FAM193B: variants seen among roughly 807,000 people sequenced by gnomAD.
FAM193B encodes the protein family with sequence similarity 193 member B, also known as protein FAM193B.
A neutral mutation model predicts 70.7 loss-of-function variants in FAM193B; 27 were observed. The ratio of observed to expected loss-of-function variants is 0.38; its 90% CI spans 0.28 to 0.53. The LOEUF (loss-of-function observed/expected upper bound fraction) is 0.53. Among genes scored for constraint, FAM193B ranks in the 20% least tolerant of loss-of-function variants. The pLI is 0.81. For synonymous variants in FAM193B, 448 were observed against 436.0 expected (o/e 1.03, Z -0.34); for missense variants, 1,022 against 1,072.5 (o/e 0.95, Z 0.66).
intron 5 of FAM193B, among the ~76,000 whole-genome samples, chr5:177,528,190 C>CAATGTGTG (rs1378330088): frequency 2.0e-5 from 3 of 152,188 alleles, no homozygotes; most frequent in Non-Finnish European, 2.9e-5. Context: ...AAAGGACAAA[C>CAATGTGTG]ACAAATGCCA....
rs757912826 is a variant in FAM193B, at chr5:177,553,655, G to A, written c.210+594C>T. On this transcript the variant is annotated intron_variant, in intron 1 of 8. Coordinates refer to ENST00000514747, the MANE Select transcript of FAM193B (RefSeq NM_001190946.3). Reference sequence around the variant, plus strand: ...CCTTGCGGAGCAGGGGAGGGAAGAAGGGCAGGTTCTGCTGGGTTTCCACCT... The same window carrying A: ...CCTTGCGGAGCAGGGGAGGGAAGAAAGGCAGGTTCTGCTGGGTTTCCACCT... 3.9e-6 allele frequency: 5 copies of A among 1,280,020 alleles called. No individual in the cohort carries two copies. In the South Asian group the frequency reaches 5.0e-5, roughly 13 times the overall value. The allele number at this position is 1,280,020 out of a possible 1,614,324, so 79.3% of individuals were successfully genotyped here.
Position 177,536,489 on chromosome 5 carries a change from G to A in FAM193B, c.945C>T (p.Thr315=). ...GPCQSSHLPS[T]SMPLLKMPPP... ...GGGGCATCTTCAGGAGCGGCATGCT[G>A]GTGGAGGGTAGATGGGAGCTCTGAC... The change falls in exon 4 of 9, where the codon ACC becomes ACT. Residue 315 remains threonine, a synonymous_variant. Coordinates refer to ENST00000514747, the MANE Select transcript of FAM193B (RefSeq NM_001190946.3). The A allele has an allele frequency of 6.3e-7, 1 of 1,577,118 alleles. No individual in the cohort carries two copies. The highest frequency in any genetic ancestry group is 2.3e-5 in the East Asian group (1 of 43,502).
chr5:177,523,573 C>T (rs1762104661), intron 7 of FAM193B, among the ~76,000 whole-genome samples: 1 of 152,258 alleles, frequency 6.6e-6, no homozygotes. Context: ...CTATCCTCCC[C>T]AACTCTATGC....
rs1005504352 is a variant in FAM193B, at chr5:177,553,577, T to C, written c.210+672A>G. On this transcript the variant is annotated intron_variant, in intron 1 of 8. Coordinates refer to ENST00000514747, the MANE Select transcript of FAM193B (RefSeq NM_001190946.3). ...GAAGCTTTGGGGAATCCTCCTACTG[T>C]TCGCTCTCAGCAGGATTCTCCAAAC... 1.5e-5 allele frequency: 18 copies of C among 1,168,272 alleles called. 1 individual carries two copies. The Admixed American group carries it at 4.7e-4, about 31-fold the overall frequency. 72.4% of individuals were successfully genotyped at this position (1,168,272 alleles called of 1,614,324 possible).
At chr5:177,554,206 G>C (rs761714195) in intron 1 of FAM193B, 43 bp downstream of exon 1, 1 of 1,486,972 alleles carries the variant, frequency 6.7e-7, no homozygotes, top group African/African-American at 1.4e-5. Context: ...CTCGGGGAAG[G>C]TGAAAGCGCC....
chr5:177,520,552 G>C (rs1403687392), intron 8 of FAM193B, among the ~76,000 whole-genome samples: 1 of 152,186 alleles, frequency 6.6e-6, no homozygotes, highest in African/African-American at 2.4e-5. Context: ...CGCTTACTAG[G>C]GGGTGGGGAG....
At chr5:177,540,620 G>A (rs371164132) in intron 1 of FAM193B, among the ~76,000 whole-genome samples, 1 of 152,242 alleles carries the variant, frequency 6.6e-6, no homozygotes, top group Admixed American at 6.5e-5. Flanking sequence ...CTAGCTGCTG[G>A]AGGGATGTGA....
chr5:177,538,922 G>A lies in FAM193B; in HGVS notation c.436C>T (p.Arg146Ter). ...TTACCTACCGCCACTGCATGTTCTCGACCTGTCTGCCTTTCATCTTCCTCC... is the reference window on the plus strand; with the variant it reads ...TTACCTACCGCCACTGCATGTTCTCAACCTGTCTGCCTTTCATCTTCCTCC... ...SMEEDERQTGREHAVAISLSH... is the reference protein window; with the variant it reads ...SMEEDERQTG The change falls in exon 2 of 9, where the codon CGA (arginine) becomes TGA (stop). Residue 146 changes from arginine (R) to a stop codon, truncating the protein, a stop_gained. Coordinates refer to ENST00000514747, the MANE Select transcript of FAM193B (RefSeq NM_001190946.3). LOFTEE classifies it high-confidence loss of function. The surrounding 1 kb of genome is among the most constrained non-coding windows in gnomAD (Gnocchi z 4.1). 1.2e-6 allele frequency: 2 copies of A among 1,614,002 alleles called. No homozygotes were observed. Among genetic ancestry groups the A allele is most frequent in the Non-Finnish European group, 1.7e-6 (2 of 1,179,904 alleles).
intron 5 of FAM193B, chr5:177,531,231 G>A (rs1763389522): frequency 1.6e-6 from 2 of 1,220,986 alleles, no homozygotes; most frequent in African/African-American, 1.6e-5. Context: ...GGGTTGGGGC[G>A]AGGGTCCTCA....
At chr5:177,526,957 TTGAA>T (rs935811628) in intron 5 of FAM193B, among the ~76,000 whole-genome samples, 1 of 152,184 alleles carries the variant, frequency 6.6e-6, no homozygotes, top group Non-Finnish European at 1.5e-5. Context: ...AAACAGCCTG[TTGAA>T]TTCAGAGTGA....
intron 8 of FAM193B, among the ~76,000 whole-genome samples, chr5:177,520,421 G>C (rs180684422): frequency 6.6e-5 from 10 of 152,368 alleles, no homozygotes; most frequent in African/African-American, 2.4e-4. Flanking sequence ...TCCTTGAGTA[G>C]ATCCAGCCTT....
intron 5 of FAM193B, chr5:177,531,441 C>G: frequency 7.3e-7 from 1 of 1,363,376 alleles, no homozygotes; most frequent in Non-Finnish European, 9.8e-7. Context: ...TCATGGGCAG[C>G]TCCTCTTTCC....
Position 177,538,178 on chromosome 5 carries a change from CT to C in FAM193B, c.454-72del. On this transcript the variant is annotated intron_variant, in intron 2 of 8. Coordinates refer to ENST00000514747, the MANE Select transcript of FAM193B (RefSeq NM_001190946.3). The surrounding 1 kb of genome is among the most constrained non-coding windows in gnomAD (Gnocchi z 4.1). ...CGGAGCTGACCCTCTGCTGCCTCAGCTTTTCCTGAGGGAGCTCCTTCTCCTC... is the reference window on the plus strand; with the variant it reads ...CGGAGCTGACCCTCTGCTGCCTCAGCTTTCCTGAGGGAGCTCCTTCTCCTC... 6.9e-7 allele frequency: 1 copy of C among 1,441,172 alleles called. No individual in the cohort carries two copies. The highest frequency in any genetic ancestry group is 9.2e-7 in the Non-Finnish European group (1 of 1,082,646). The allele number at this position is 1,441,172 out of a possible 1,614,324, so 89.3% of individuals were successfully genotyped here.
At chr5:177,534,522 T>C (rs1165435974) in intron 4 of FAM193B, among the ~76,000 whole-genome samples, 2 of 152,020 alleles carry the variant, frequency 1.3e-5, no homozygotes, top group African/African-American at 4.8e-5. Flanking sequence ...CAGGCTGGTC[T>C]GGAATTCTTG....
At chr5:177,531,342 C>T (rs1323297830) in intron 5 of FAM193B, 1 of 1,360,918 alleles carries the variant, frequency 7.3e-7, no homozygotes, top group East Asian at 4.6e-5. Flanking sequence ...GGACTTTGGG[C>T]TCCGTGCTGT....
chr5:177,537,905 C>G lies in FAM193B; in HGVS notation c.656G>C (p.Gly219Ala). 1 of 1,605,242 alleles carries G rather than the reference C, an allele frequency of 6.2e-7. No homozygotes were observed. The highest frequency in any genetic ancestry group is 8.5e-7 in the Non-Finnish European group (1 of 1,175,894). ...NSPHSSGAMP[G>A]SSLGSPPTIP... Reference sequence around the variant, plus strand: ...GGTAGGAGGACTCCCAAGAGAGCTGCCTGGCATGGCCCCACTGGAATGTGG... The same window carrying G: ...GGTAGGAGGACTCCCAAGAGAGCTGGCTGGCATGGCCCCACTGGAATGTGG... Residue 219 changes from glycine to alanine, a missense_variant, in exon 3 of 9, where the codon GGC (glycine) becomes GCC (alanine). Transcript: ENST00000514747.
intron 5 of FAM193B, among the ~76,000 whole-genome samples, chr5:177,527,626 G>C (rs989375942): frequency 9.8e-5 from 15 of 152,300 alleles, no homozygotes; most frequent in African/African-American, 3.6e-4. Flanking sequence ...TACGACTTAG[G>C]TTCTGTTATT....
intron 5 of FAM193B, chr5:177,531,508 G>A (rs1401875352): frequency 1.5e-6 from 2 of 1,328,152 alleles, no homozygotes; most frequent in South Asian, 1.2e-5. Flanking sequence ...CCGACTCGTC[G>A]GGGCAGCGGG....
chr5:177,543,484 CTTCT>C (rs1489996335), intron 1 of FAM193B, among the ~76,000 whole-genome samples: 1 of 152,200 alleles, frequency 6.6e-6, no homozygotes, highest in Non-Finnish European at 1.5e-5. Flanking sequence ...CACTTGAGTC[CTTCT>C]TTGAGGCCCA....
Sources: allele counts gnomAD v4.1 joint callset (sites outside exome capture counted in the v4.1 genomes callset), GRCh38; gene constraint gnomAD v4.1.1; non-coding constraint Gnocchi (gnomAD v3.1); transcripts MANE v1.5; gene names NCBI Gene and HGNC (gene_info 2026-07-23, HGNC 2026-07-21).